Variants in KLHDC4 observed in about 807,000 individuals in gnomAD.
KLHDC4 encodes the protein kelch domain-containing protein 4.
Under a neutral mutation model 62.4 loss-of-function variants are expected in KLHDC4, and 90 were observed. The observed-to-expected ratio is 1.44, with a 90% CI of 1.22 to 1.72. The LOEUF is 1.72. Ranked by LOEUF, KLHDC4 falls within the 40% of genes most tolerant of loss-of-function variation. The pLI is 0.00. For synonymous variants in KLHDC4, 386 were observed against 284.4 expected (o/e 1.36, Z -3.59); for missense variants, 1,025 against 699.7 (o/e 1.47, Z -5.25).
intron 4 of KLHDC4, among the ~76,000 whole-genome samples, chr16:87,752,521 G>T (rs1005836937): frequency 1.3e-5 from 2 of 151,980 alleles, no homozygotes; most frequent in Non-Finnish European, 2.9e-5. Context: ...AGTTTTAGTA[G>T]AGACGGGGTT....
rs150825559 is a variant in KLHDC4, at chr16:87,722,503, G to A, written c.759+4262C>T. ...CTGGAGCCTTGCCATGCAGAACCAC[G>A]GTCAGAATGCCTTCATCTGATCAAA... is the stretch of plus-strand genomic sequence containing the variant. On this transcript the variant is annotated intron_variant, in intron 7 of 11. Coordinates refer to ENST00000270583, the MANE Select transcript of KLHDC4 (RefSeq NM_017566.4). Among the ~76,000 whole-genome samples the A allele has an allele frequency of 2.2e-3, 331 of 152,296 alleles. 1 individual carries two copies. Among genetic ancestry groups the A allele is most frequent in the Admixed American group, 7.1e-3 (108 of 15,284 alleles).
chr16:87,761,211 C>T (rs934482688), intron 2 of KLHDC4, among the ~76,000 whole-genome samples: 2 of 152,208 alleles, frequency 1.3e-5, no homozygotes, highest in Admixed American at 6.5e-5. Flanking sequence ...GGCTGATCAC[C>T]GTGCTCCTCC....
intron 7 of KLHDC4, among the ~76,000 whole-genome samples, chr16:87,723,475 G>T (rs552603253): frequency 3.9e-5 from 6 of 152,250 alleles, no homozygotes; most frequent in Non-Finnish European, 7.3e-5. Flanking sequence ...TGCACTCTAC[G>T]ACACATCTGC....
At chr16:87,702,825 C>G (rs538782216), downstream of KLHDC4, among the ~76,000 whole-genome samples, 19 of 152,320 alleles carry the variant, frequency 1.2e-4, no homozygotes, top group African/African-American at 4.1e-4. Context: ...TGTGTACAAT[C>G]ACGCCGTGCA....
chr16:87,737,370 T>C (rs1156263725), intron 5 of KLHDC4, among the ~76,000 whole-genome samples: 3 of 151,168 alleles, frequency 2.0e-5, no homozygotes, highest in Admixed American at 6.6e-5. Flanking sequence ...GCCAGATCAC[T>C]TGAAGTCAGG....
intron 11 of KLHDC4, 44 bp downstream of exon 11, chr16:87,708,306 G>T: frequency 1.5e-6 from 2 of 1,309,556 alleles, no homozygotes; most frequent in South Asian, 1.3e-5. Flanking sequence ...AGCCTTTCAC[G>T]AACACCCAGC....
intron 7 of KLHDC4, among the ~76,000 whole-genome samples, chr16:87,714,873 C>T (rs1043106203): frequency 3.9e-5 from 6 of 152,226 alleles, no homozygotes; most frequent in African/African-American, 1.4e-4. Context: ...GTGGAAACCA[C>T]CACAGGGGCC....
intron 2 of KLHDC4, among the ~76,000 whole-genome samples, chr16:87,758,492 T>C (rs1259969692): frequency 6.6e-6 from 1 of 152,156 alleles, no homozygotes; most frequent in African/African-American, 2.4e-5. Context: ...ATACCTAGAA[T>C]AGGCCAATTC....
intron 5 of KLHDC4, among the ~76,000 whole-genome samples, chr16:87,745,807 A>T (rs1356077240): frequency 6.6e-6 from 1 of 152,198 alleles, no homozygotes; most frequent in Non-Finnish European, 1.5e-5. Context: ...GGAAAGGGAC[A>T]CGGACATCAG....
At chr16:87,711,769 G>A (rs1356061633) in intron 8 of KLHDC4, among the ~76,000 whole-genome samples, 1 of 152,230 alleles carries the variant, frequency 6.6e-6, no homozygotes, top group Non-Finnish European at 1.5e-5. Flanking sequence ...AGGGGCTTCT[G>A]TGGGGAGGCT....
chr16:87,756,307 T>C (rs774443452), intron 3 of KLHDC4, 92 bp downstream of exon 3: 5 of 933,850 alleles, frequency 5.4e-6, no homozygotes, highest in Non-Finnish European at 8.7e-6. Context: ...GTGAAGGGGC[T>C]AACGCATATT....
At chr16:87,757,962 T>C (rs1057379872) in intron 2 of KLHDC4, among the ~76,000 whole-genome samples, 1 of 152,162 alleles carries the variant, frequency 6.6e-6, no homozygotes, top group Non-Finnish European at 1.5e-5. Context: ...ACAGTGACTA[T>C]CTGGCGAATC....
intron 4 of KLHDC4, among the ~76,000 whole-genome samples, chr16:87,749,846 G>T (rs2043643696): frequency 6.6e-6 from 1 of 152,136 alleles, no homozygotes; most frequent in East Asian, 1.9e-4. Flanking sequence ...AAAGCACACT[G>T]GGATTACACA....
intron 7 of KLHDC4, among the ~76,000 whole-genome samples, chr16:87,718,700 G>A (rs1237595207): frequency 1.3e-5 from 2 of 151,144 alleles, no homozygotes; most frequent in Non-Finnish European, 3.0e-5. Context: ...TCTGGGATGT[G>A]AGGAGCCCCT....
At chr16:87,750,429 G>C (rs1298678455) in intron 4 of KLHDC4, 1 of 152,268 alleles carries the variant, frequency 6.6e-6, no homozygotes, top group Non-Finnish European at 1.5e-5. Context: ...GAGAGAAAAA[G>C]CGACCTGAGC....
chr16:87,753,384 C>T (rs147397987), intron 4 of KLHDC4, among the ~76,000 whole-genome samples: 1 of 152,308 alleles, frequency 6.6e-6, no homozygotes, highest in African/African-American at 2.4e-5. Flanking sequence ...TCACTAGAGA[C>T]TGCAGAAAGG....
chr16:87,722,197 C>A (rs1424213709), intron 7 of KLHDC4, among the ~76,000 whole-genome samples: 3 of 152,228 alleles, frequency 2.0e-5, no homozygotes, highest in Non-Finnish European at 4.4e-5. Flanking sequence ...AAAGCACTAG[C>A]TGGACCCAGA....
intron 1 of KLHDC4, among the ~76,000 whole-genome samples, chr16:87,762,852 T>C (rs572924401): frequency 2.0e-5 from 3 of 152,208 alleles, no homozygotes; most frequent in South Asian, 2.1e-4. Flanking sequence ...TAGCCTTCAG[T>C]GTCCTGCTTG....
intron 4 of KLHDC4, chr16:87,750,517 TG>T (rs2043764483): frequency 6.6e-6 from 1 of 152,190 alleles, no homozygotes; most frequent in African/African-American, 2.4e-5. Flanking sequence ...AAAAGCCTCT[TG>T]TTTTATTTCC....
Sources: allele counts gnomAD v4.1 joint callset (sites outside exome capture counted in the v4.1 genomes callset), GRCh38; gene constraint gnomAD v4.1.1; transcripts MANE v1.5; gene names NCBI Gene and HGNC (gene_info 2026-07-23, HGNC 2026-07-21).